The following GPC6 variants were observed in gnomAD, a reference collection of about 807,000 sequenced individuals.
GPC6 encodes glypican 6.
A neutral mutation model predicts 55.2 loss-of-function variants in GPC6; 14 were observed. The ratio of observed to expected loss-of-function variants is 0.25; its 90% confidence interval spans 0.17 to 0.40. GPC6 has a LOEUF of 0.40. Ranked by LOEUF, GPC6 falls within the 10% of genes least tolerant of loss-of-function variation. The pLI is 1.00. For missense variants in GPC6, 641 were observed against 708.5 expected (o/e 0.90, Z 1.08); for synonymous variants, 278 against 259.6 (o/e 1.07, Z -0.68).
At chr13:94,257,114 C>A (rs909177343) in intron 4 of GPC6, among the ~76,000 whole-genome samples, 6 of 152,118 alleles carry the variant, frequency 3.9e-5, no homozygotes, top group African/African-American at 1.2e-4. Context: ...CTGATTTGTT[C>A]TCTTTTTAGT....
chr13:93,897,427 A>T (rs1041685039), intron 3 of GPC6, among the ~76,000 whole-genome samples: 8 of 152,140 alleles, frequency 5.3e-5, no homozygotes, highest in Non-Finnish European at 8.8e-5. Context: ...GTATCAAATT[A>T]TCACATGTAC....
At chr13:93,290,390 C>A (rs747309827) in intron 1 of GPC6, among the ~76,000 whole-genome samples, 1 of 152,030 alleles carries the variant, frequency 6.6e-6, no homozygotes, top group Non-Finnish European at 1.5e-5. Context: ...TACAACTATC[C>A]ACCCTTACGT....
chr13:94,030,227 T>C (rs1883072312), intron 4 of GPC6, among the ~76,000 whole-genome samples: 1 of 152,092 alleles, frequency 6.6e-6, no homozygotes, highest in African/African-American at 2.4e-5. Flanking sequence ...GCCAGGATGG[T>C]CTCGATTTCC....
At position 94,018,617 on chromosome 13, in the gene GPC6, A is replaced by ATTTGC. The variant is rs375386292; in HGVS notation, c.712-9107_712-9103dup. On this transcript the variant is annotated intron_variant, in intron 3 of 8. Coordinates refer to ENST00000377047, the MANE Select transcript of GPC6 (RefSeq NM_005708.5). ...TATAATCCTTTTAATATGCTCTTGG[A>ATTTGC]TTTGCTTTGATAGTGTTTTGTTAAA... Among the ~76,000 whole-genome samples the ATTTGC allele has an allele frequency of 2.4e-4, 36 of 152,100 alleles. 1 individual carries two copies. The highest frequency in any genetic ancestry group is 7.5e-4 in the African/African-American group (31 of 41,502).
At chr13:93,606,507 G>C (rs1878244925) in intron 2 of GPC6, among the ~76,000 whole-genome samples, 1 of 152,144 alleles carries the variant, frequency 6.6e-6, no homozygotes, top group Non-Finnish European at 1.5e-5. Context: ...GAAATTATAT[G>C]GTTTGCCCAC....
At chr13:93,777,400 A>G (rs1330775088) in intron 2 of GPC6, among the ~76,000 whole-genome samples, 1 of 152,168 alleles carries the variant, frequency 6.6e-6, no homozygotes, top group Non-Finnish European at 1.5e-5. Context: ...AGCAAATCAC[A>G]TCTACCCTTT....
chr13:93,218,156 C>A, the GPC6 span, among the ~76,000 whole-genome samples: 1 of 150,400 alleles, frequency 6.6e-6, no homozygotes, highest in Non-Finnish European at 1.5e-5. Context: ...AAATATGCAC[C>A]AGATTTGCTT....
chr13:94,033,403 A>G (rs1265261522), intron 4 of GPC6, among the ~76,000 whole-genome samples: 1 of 152,214 alleles, frequency 6.6e-6, no homozygotes, highest in Non-Finnish European at 1.5e-5. Context: ...AACCTACAAG[A>G]GTTGTCAATT....
At chr13:94,307,855 T>C (rs1288111296) in intron 6 of GPC6, among the ~76,000 whole-genome samples, 2 of 152,364 alleles carry the variant, frequency 1.3e-5, no homozygotes, top group South Asian at 2.1e-4. Context: ...TTGCTGGCTC[T>C]AACTTAGTTA....
At chr13:94,021,968 A>C (rs575344932) in intron 3 of GPC6, among the ~76,000 whole-genome samples, 59 of 152,146 alleles carry the variant, frequency 3.9e-4, no homozygotes, top group South Asian at 1.5e-3. Context: ...TTCAAAATAA[A>C]TTTTACTGTG....
In GPC6 at chr13:93,494,433, G is replaced by C. The variant is rs898893280; in HGVS notation, c.161-50830G>C. 7.3e-5 allele frequency among the ~76,000 whole-genome samples: 11 copies of C among 151,648 alleles called. 1 individual carries two copies. The highest frequency in any genetic ancestry group is 2.2e-4 in the African/African-American group (9 of 41,264). Reference sequence around the variant, plus strand: ...TATGTGTGTCTCTGCACGTGAGATGGGTTTCCTGAATACAGCACACTGATG... The same window carrying C: ...TATGTGTGTCTCTGCACGTGAGATGCGTTTCCTGAATACAGCACACTGATG... On this transcript the variant is annotated intron_variant, in intron 1 of 8. Coordinates refer to ENST00000377047, the MANE Select transcript of GPC6 (RefSeq NM_005708.5).
chr13:94,172,243 T>C (rs1185769866), intron 4 of GPC6, among the ~76,000 whole-genome samples: 3 of 152,152 alleles, frequency 2.0e-5, no homozygotes, highest in Non-Finnish European at 4.4e-5. Context: ...CTTTTTTTTT[T>C]CCCAAATAAA....
At chr13:93,395,954 TA>T (rs1875838854) in intron 1 of GPC6, 1 of 152,222 alleles carries the variant, frequency 6.6e-6, no homozygotes, top group Non-Finnish European at 1.5e-5. Flanking sequence ...AGTCATGTGT[TA>T]ATCTATCCCT....
chr13:93,385,989 T>C (rs888391190), intron 1 of GPC6, among the ~76,000 whole-genome samples: 2 of 151,286 alleles, frequency 1.3e-5, no homozygotes, highest in Non-Finnish European at 2.9e-5. Flanking sequence ...AAGGGTCCAA[T>C]GGCATTTCAG....
intron 1 of GPC6, among the ~76,000 whole-genome samples, chr13:93,367,768 T>C (rs547989405): frequency 6.6e-6 from 1 of 151,760 alleles, no homozygotes; most frequent in South Asian, 2.1e-4. Flanking sequence ...TCTTGATTTC[T>C]AGTTTGAATC....
At chr13:94,163,297 G>T (rs900423224) in intron 4 of GPC6, among the ~76,000 whole-genome samples, 4 of 151,338 alleles carry the variant, frequency 2.6e-5, no homozygotes, top group Non-Finnish European at 5.9e-5. Flanking sequence ...CAGTCGTGCT[G>T]GCCAGTTTTG....
At chr13:93,547,697 T>C (rs1874890079) in intron 2 of GPC6, among the ~76,000 whole-genome samples, 1 of 152,134 alleles carries the variant, frequency 6.6e-6, no homozygotes, top group Admixed American at 6.5e-5. Flanking sequence ...AGATTTTGTT[T>C]TTTTTGGAGG....
At chr13:93,750,531 TG>T (rs1175684077) in intron 2 of GPC6, among the ~76,000 whole-genome samples, 1 of 152,176 alleles carries the variant, frequency 6.6e-6, no homozygotes, top group Non-Finnish European at 1.5e-5. Context: ...CAATCAGATC[TG>T]TGGTAAAATA....
At chr13:94,103,628 GA>G (rs1241894784) in intron 4 of GPC6, among the ~76,000 whole-genome samples, 1 of 152,196 alleles carries the variant, frequency 6.6e-6, no homozygotes, top group African/African-American at 2.4e-5. Context: ...GCATTTCTCT[GA>G]TGAGCAGTGA....
Sources: allele counts gnomAD v4.1 joint callset (sites outside exome capture counted in the v4.1 genomes callset), GRCh38; gene constraint gnomAD v4.1.1; transcripts MANE v1.5; gene names NCBI Gene and HGNC (gene_info 2026-07-23, HGNC 2026-07-21).